LIPJ: variants seen among roughly 807,000 people sequenced by gnomAD.
LIPJ encodes the protein lipase family member J, also known as lipase member J.
Under a neutral mutation model 39.8 loss-of-function variants are expected in LIPJ, and 33 were observed. That is an observed-to-expected ratio of 0.83 (90% CI 0.63 to 1.11). The LOEUF is 1.11. LIPJ is among the 50% of genes least tolerant of loss of function. LIPJ has a pLI of 0.00. For missense variants in LIPJ, 422 were observed against 427.9 expected, an observed-to-expected ratio of 0.99 and a Z score of 0.12; for synonymous variants, 128 against 139.2, an observed-to-expected ratio of 0.92 and a Z score of 0.57.
intron 2 of LIPJ, among the ~76,000 whole-genome samples, chr10:88,587,910 C>T (rs777702127): frequency 5.9e-5 from 9 of 151,844 alleles, no homozygotes; most frequent in East Asian, 1.9e-4. Flanking sequence ...AAATAGCAAA[C>T]GATTTTATCC....
At chr10:88,589,209 G>A (rs2134539469) in intron 2 of LIPJ, among the ~76,000 whole-genome samples, 1 of 152,000 alleles carries the variant, frequency 6.6e-6, no homozygotes, top group East Asian at 1.9e-4. Context: ...TACAATATCA[G>A]TTAATACATT....
downstream of LIPJ, among the ~76,000 whole-genome samples, chr10:88,608,981 C>T (rs1284223265): frequency 6.6e-6 from 1 of 152,202 alleles, no homozygotes; most frequent in Non-Finnish European, 1.5e-5. Flanking sequence ...AGTGGGAAAC[C>T]TCTAGAGGAT....
the LIPJ span, among the ~76,000 whole-genome samples, chr10:88,621,685 C>A: frequency 2.6e-5 from 4 of 151,560 alleles, no homozygotes; most frequent in African/African-American, 9.7e-5. Context: ...ATAAGCCTGA[C>A]CTAAAAAAAA....
At chr10:88,620,055 T>C in the LIPJ span, among the ~76,000 whole-genome samples, 4 of 152,104 alleles carry the variant, frequency 2.6e-5, no homozygotes, top group Admixed American at 2.6e-4. Context: ...TAATTAAAAA[T>C]GAGACATTCT....
chr10:88,583,234 C>T (rs776620206), upstream of LIPJ: 4 of 1,606,478 alleles, frequency 2.5e-6, no homozygotes, highest in South Asian at 4.4e-5. Flanking sequence ...TGCGGCGGGG[C>T]CGTTCGGCCC....
In LIPJ at chr10:88,590,604, T is replaced by C. The variant is rs934818144; in HGVS notation, c.-84T>C. On this transcript the variant is annotated 5_prime_UTR_variant, in exon 3 of 11. Transcript: ENST00000371939. ...ATATAGGTCCCAAACGTGGTATCTT[T>C]TCACAATGATGTATTTTATCCGAAT... The C allele has an allele frequency of 8.1e-6, 9 of 1,115,068 alleles. No individual in the cohort carries two copies. The African/African-American group carries it at 1.2e-4, about 15-fold the overall frequency. The allele number at this position is 1,115,068 out of a possible 1,614,324, so 69.1% of individuals were successfully genotyped here.
chr10:88,622,413 C>T, the LIPJ span, among the ~76,000 whole-genome samples: 1 of 152,182 alleles, frequency 6.6e-6, no homozygotes, highest in African/African-American at 2.4e-5. Context: ...ATATTTTAAG[C>T]AGAGGAAACA....
At chr10:88,605,776 A>G in intron 10 of LIPJ, 72 bp downstream of exon 10, 1 of 905,760 alleles carries the variant, frequency 1.1e-6, no homozygotes. Flanking sequence ...ATCAAGGATC[A>G]ACTGTAAATC....
chr10:88,602,862 C>T (rs1590087749), intron 9 of LIPJ, among the ~76,000 whole-genome samples: 1 of 152,048 alleles, frequency 6.6e-6, no homozygotes, highest in African/African-American at 2.4e-5. Context: ...GAGGCCGAGG[C>T]GGGTGGATCA....
At chr10:88,585,788 A>T (rs1038009117), upstream of LIPJ, 1 of 152,160 alleles carries the variant, frequency 6.6e-6, no homozygotes, top group Non-Finnish European at 1.5e-5. Flanking sequence ...TAGTCTTCCT[A>T]CTTCCCAGTT....
intron 10 of LIPJ, among the ~76,000 whole-genome samples, 178 bp downstream of exon 10, chr10:88,605,882 T>C (rs553735294): frequency 6.6e-6 from 1 of 152,336 alleles, no homozygotes; most frequent in East Asian, 1.9e-4. Context: ...GGCTTTTCCA[T>C]GTTTTCTATG....
At chr10:88,590,008 G>C (rs1590074214) in intron 2 of LIPJ, among the ~76,000 whole-genome samples, 1 of 151,570 alleles carries the variant, frequency 6.6e-6, no homozygotes, top group African/African-American at 2.4e-5. Flanking sequence ...ATGCTTTTGG[G>C]GGGAGAATCT....
chr10:88,613,770 GTATA>G, the LIPJ span, among the ~76,000 whole-genome samples: 7,737 of 75,520 alleles, frequency 0.1, 531 homozygotes, highest in Admixed American at 0.22. Context: ...ATGTGTGTGT[GTATA>G]TATATATATA....
At chr10:88,592,582 A>C (rs1438065594) in intron 4 of LIPJ, 1 of 151,862 alleles carries the variant, frequency 6.6e-6, no homozygotes, top group Non-Finnish European at 1.5e-5. Flanking sequence ...GGTTCCCATA[A>C]AAATTACACT....
the LIPJ span, among the ~76,000 whole-genome samples, chr10:88,613,800 A>ATATATG: frequency 2.2e-3 from 163 of 74,134 alleles, 1 homozygote; most frequent in African/African-American, 6.5e-3. Context: ...ATATATATAT[A>ATATATG]TGTGTGTGTG....
chr10:88,583,278 G>A (rs1042094311), upstream of LIPJ: 3 of 1,563,380 alleles, frequency 1.9e-6, no homozygotes, highest in African/African-American at 1.4e-5. Context: ...ACCGGCGCTA[G>A]CGCTCTTTGG....
chr10:88,622,769 C>T, the LIPJ span, among the ~76,000 whole-genome samples: 2 of 152,098 alleles, frequency 1.3e-5, no homozygotes. Flanking sequence ...ATGGACTTTA[C>T]TCTGTGTGAG....
At chr10:88,613,818 A>G in the LIPJ span, among the ~76,000 whole-genome samples, 1,572 of 57,722 alleles carry the variant, frequency 0.027, 26 homozygotes, top group African/African-American at 0.088. Context: ...GTGTGTGTGT[A>G]TATATATATA....
chr10:88,585,608 T>C (rs956922860), upstream of LIPJ: 4 of 152,016 alleles, frequency 2.6e-5, no homozygotes, highest in Non-Finnish European at 4.4e-5. Context: ...ACGAATTCAC[T>C]ACTTGAGTTC....
Sources: gnomAD v4.1 joint callset for allele counts (sites outside exome capture counted in the v4.1 genomes callset) on GRCh38, gnomAD v4.1.1 for gene constraint, MANE v1.5 for transcripts, NCBI Gene and HGNC (gene_info 2026-07-23, HGNC 2026-07-21) for gene names.